ZNF469: variants seen among roughly 807,000 people sequenced by gnomAD.
ZNF469 encodes zinc finger protein 469.
A neutral mutation model predicts 1.0 loss-of-function variants in ZNF469; 1 was observed. The ratio of observed to expected loss-of-function variants is 1.00; its 90% CI spans 0.35 to 4.73. The LOEUF (loss-of-function observed/expected upper bound fraction) is 4.73, where lower values mean the gene tolerates loss of function less well. ZNF469 is among the 30% of genes most tolerant of loss of function. The pLI, the probability that ZNF469 is intolerant of heterozygous loss-of-function variation, is 0.16. For synonymous variants in ZNF469, 2,703 were observed against 2,363.4 expected (o/e 1.14, Z -4.17); for missense variants, 6,100 against 5,356.3 (o/e 1.14, Z -4.33).
chr16:88,430,594 C>T lies in ZNF469; in HGVS notation c.3124C>T (p.Arg1042Trp), dbSNP rs1345294397. 4.7e-6 allele frequency: 7 copies of T among 1,502,696 alleles called. No individual in the cohort carries two copies. Among genetic ancestry groups the T allele is most frequent in the Middle Eastern group, 1.8e-4 (1 of 5,512 alleles). 93.1% of individuals were successfully genotyped at this position (1,502,696 alleles called of 1,614,324 possible). Reference sequence around the variant, plus strand: ...GAAGGACCCCAGGAAGAGGAAGGCTCGGGGCGGCGCCTGGGGCAAGGAGCT... The same window carrying T: ...GAAGGACCCCAGGAAGAGGAAGGCTTGGGGCGGCGCCTGGGGCAAGGAGCT... ...PRKDPRKRKA[R>W]GGAWGKELIL... Residue 1042 changes from arginine to tryptophan, a missense_variant, in exon 3 of 3, where the codon CGG (arginine) becomes TGG (tryptophan). Coordinates refer to ENST00000565624, the MANE Select transcript of ZNF469 (RefSeq NM_001367624.2).
At chr16:88,302,426 T>C in the ZNF469 span, 1 of 152,262 alleles carries the variant, frequency 6.6e-6, no homozygotes, top group African/African-American at 2.4e-5. Flanking sequence ...TTTCAGTGGC[T>C]GCTTCCTTTG....
At chr16:88,261,812 T>A in the ZNF469 span, among the ~76,000 whole-genome samples, 31 of 152,174 alleles carry the variant, frequency 2.0e-4, no homozygotes, top group African/African-American at 6.5e-4. This position sits in a 1 kb window ranked among gnomAD's most constrained non-coding sequence, Gnocchi z 6.0. Flanking sequence ...AAACCAAGAA[T>A]TCCGTCTGGA....
the ZNF469 span, among the ~76,000 whole-genome samples, chr16:88,351,296 C>G: frequency 9.2e-5 from 14 of 152,200 alleles, no homozygotes; most frequent in Non-Finnish European, 1.5e-4. Context: ...GTTTCCCCAG[C>G]CATACAATGA....
In ZNF469 at chr16:88,434,608, C is replaced by G. The variant is rs1158512070; in HGVS notation, c.7138C>G (p.Pro2380Ala). ...MGTSSKEPED[P>A]GTPETGRSGA... ...GACCAGCAGCAAGGAGCCGGAGGAC[C>G]CAGGGACCCCTGAGACCGGGCGCTC... is the stretch of plus-strand genomic sequence containing the variant. The change falls in exon 3 of 3, where the codon CCA becomes GCA. Residue 2380 changes from proline (P) to alanine (A), a missense_variant. Transcript: ENST00000565624. 1.3e-6 allele frequency: 2 copies of G among 1,550,300 alleles called. No individual in the cohort carries two copies. The highest frequency in any genetic ancestry group is 2.4e-5 in the South Asian group (2 of 84,060).
At chr16:88,279,545 A>C in the ZNF469 span, among the ~76,000 whole-genome samples, 1 of 143,322 alleles carries the variant, frequency 7.0e-6, no homozygotes, top group Non-Finnish European at 1.5e-5. Context: ...TACCTTGTAG[A>C]TATCAGTGCA....
At chr16:88,115,178 A>G in the ZNF469 span, among the ~76,000 whole-genome samples, 1 of 152,202 alleles carries the variant, frequency 6.6e-6, no homozygotes, top group Non-Finnish European at 1.5e-5. Flanking sequence ...AACTTAAACT[A>G]AACCTTAGTG....
Position 88,428,721 on chromosome 16 carries a change from C to T in ZNF469, c.1251C>T (p.Asp417=). The change falls in exon 3 of 3, where the codon GAC becomes GAT. Residue 417 remains aspartate (D), a synonymous_variant. Coordinates refer to ENST00000565624, the MANE Select transcript of ZNF469 (RefSeq NM_001367624.2). ...PGQAYRASGV[D]TSPGPPDTEL... is the part of the protein sequence containing the mutation. The stretch of plus-strand genomic sequence containing the variant: ...AGGCGTACAGAGCCAGTGGGGTGGA[C>T]ACCAGCCCGGGGCCTCCGGACACCG... 6.5e-7 allele frequency: 1 copy of T among 1,548,206 alleles called. No individual in the cohort carries two copies. Among genetic ancestry groups the T allele is most frequent in the Non-Finnish European group, 8.7e-7 (1 of 1,146,748 alleles).
chr16:88,366,805 C>T, the ZNF469 span, among the ~76,000 whole-genome samples: 2 of 151,426 alleles, frequency 1.3e-5, no homozygotes, highest in Non-Finnish European at 2.9e-5. Context: ...AATACCATTA[C>T]TGTCATCACC....
the ZNF469 span, among the ~76,000 whole-genome samples, chr16:88,338,516 G>A: frequency 6.6e-5 from 10 of 152,196 alleles, no homozygotes; most frequent in Non-Finnish European, 1.3e-4. Context: ...CGTCTGTAGA[G>A]ACTGTCTCCT....
the ZNF469 span, among the ~76,000 whole-genome samples, chr16:88,144,426 C>T: frequency 9.6e-4 from 146 of 152,320 alleles, 3 homozygotes; most frequent in Admixed American, 8.5e-3. Flanking sequence ...GTGTGATTAA[C>T]GCCAGCTGCC....
In ZNF469 at chr16:88,405,746, T is replaced by C. The variant is rs182887572; in HGVS notation, c.-191-19061T>C. On this transcript the variant is annotated intron_variant, in intron 1 of 2. Transcript: ENST00000565624. Reference sequence around the variant, plus strand: ...CTCCCGGCACTCCAAGCCGCCTCGGTGGGGCCACAGCGTCTGTCCCGGTCA... The same window carrying C: ...CTCCCGGCACTCCAAGCCGCCTCGGCGGGGCCACAGCGTCTGTCCCGGTCA... 1.1e-3 allele frequency among the ~76,000 whole-genome samples: 162 copies of C among 152,186 alleles called. 3 individuals are homozygous for C. Among genetic ancestry groups the C allele is most frequent in the African/African-American group, 3.6e-3 (150 of 41,530 alleles).
the ZNF469 span, among the ~76,000 whole-genome samples, chr16:88,148,973 G>A: frequency 1.1e-4 from 17 of 152,136 alleles, no homozygotes; most frequent in Admixed American, 2.6e-4. Context: ...CCCTCACTGC[G>A]GGCCACCATA....
At chr16:88,214,131 GA>G in the ZNF469 span, among the ~76,000 whole-genome samples, 1 of 152,304 alleles carries the variant, frequency 6.6e-6, no homozygotes, top group Middle Eastern at 3.4e-3. Context: ...TGACCTGAGT[GA>G]CCCCAGGGAA....
chr16:88,205,405 G>T, the ZNF469 span, among the ~76,000 whole-genome samples: 1 of 152,126 alleles, frequency 6.6e-6, no homozygotes, highest in African/African-American at 2.4e-5. The surrounding 1 kb of genome is among the most constrained non-coding windows in gnomAD (Gnocchi z 4.2). Flanking sequence ...ATTCTAGGCA[G>T]GGTTCCCCAT....
chr16:88,242,956 A>G, the ZNF469 span, among the ~76,000 whole-genome samples: 125 of 152,294 alleles, frequency 8.2e-4, 1 homozygote, highest in Non-Finnish European at 1.7e-3. Flanking sequence ...AAAGGAACAG[A>G]AGCCTTTGAC....
chr16:88,251,927 G>A, the ZNF469 span, among the ~76,000 whole-genome samples: 1 of 151,252 alleles, frequency 6.6e-6, no homozygotes, highest in African/African-American at 2.4e-5. Context: ...CCCTGCACCT[G>A]TGCAACGGGG....
the ZNF469 span, among the ~76,000 whole-genome samples, chr16:88,321,059 G>A: frequency 6.6e-6 from 1 of 152,236 alleles, no homozygotes; most frequent in Non-Finnish European, 1.5e-5. Flanking sequence ...GGGACGTGAG[G>A]GCCTTCCTCA....
chr16:88,376,565 C>T, the ZNF469 span, among the ~76,000 whole-genome samples: 98 of 152,342 alleles, frequency 6.4e-4, no homozygotes, highest in South Asian at 3.1e-3. Flanking sequence ...CTGGGGTTCC[C>T]GCGGCCGGCC....
At chr16:88,228,048 T>C in the ZNF469 span, among the ~76,000 whole-genome samples, 13 of 152,252 alleles carry the variant, frequency 8.5e-5, no homozygotes, top group Middle Eastern at 3.2e-3. Flanking sequence ...CCTTTTCTTA[T>C]GGGGACACCC....
Sources: gnomAD v4.1 joint callset for allele counts (sites outside exome capture counted in the v4.1 genomes callset) on GRCh38, gnomAD v4.1.1 for gene constraint, Gnocchi (gnomAD v3.1) non-coding constraint, MANE v1.5 for transcripts, NCBI Gene and HGNC (gene_info 2026-07-23, HGNC 2026-07-21) for gene names.